The following ZNF438 variants were observed in gnomAD, a reference collection of about 807,000 sequenced individuals.
ZNF438 encodes zinc finger protein 438.
ZNF438 carries 25 observed loss-of-function variants against 38.0 expected under a neutral mutation model. The ratio of observed to expected loss-of-function variants is 0.66; its 90% CI spans 0.48 to 0.92. The LOEUF (loss-of-function observed/expected upper bound fraction) is 0.92, where lower values mean the gene tolerates loss of function less well. Ranked by LOEUF, ZNF438 falls within the 40% of genes least tolerant of loss-of-function variation. ZNF438 has a pLI of 0.00. For missense variants in ZNF438, 1,007 were observed against 999.6 expected (o/e 1.01, Z -0.10); for synonymous variants, 372 against 364.1 (o/e 1.02, Z -0.25).
At chr10:31,005,989 G>A (rs754077167) in intron 1 of ZNF438, among the ~76,000 whole-genome samples, 1 of 152,120 alleles carries the variant, frequency 6.6e-6, no homozygotes, top group Non-Finnish European at 1.5e-5. Context: ...TTAACAGATT[G>A]TGGTACACAG....
intron 1 of ZNF438, among the ~76,000 whole-genome samples, chr10:31,026,912 TA>T (rs1176032277): frequency 2.1e-4 from 32 of 152,084 alleles, no homozygotes; most frequent in Non-Finnish European, 2.5e-4. Context: ...TATGCAGCCA[TA>T]AAAAAAGGAT....
intron 2 of ZNF438, among the ~76,000 whole-genome samples, chr10:30,917,574 C>G (rs527392392): frequency 1.3e-5 from 2 of 152,274 alleles, no homozygotes; most frequent in South Asian, 4.1e-4. Flanking sequence ...CACATGCTTA[C>G]TAATCATTTG....
chr10:30,852,503 C>T (rs1050855011), intron 4 of ZNF438, among the ~76,000 whole-genome samples: 2 of 152,156 alleles, frequency 1.3e-5, no homozygotes, highest in African/African-American at 2.4e-5. Flanking sequence ...CCACCGCGCC[C>T]GGCCCGTCAA....
At chr10:30,890,489 C>A (rs1174314440) in intron 3 of ZNF438, among the ~76,000 whole-genome samples, 1 of 152,176 alleles carries the variant, frequency 6.6e-6, no homozygotes, top group Non-Finnish European at 1.5e-5. Context: ...GCAGCTCCTG[C>A]CTCCAAATGT....
intron 1 of ZNF438, among the ~76,000 whole-genome samples, chr10:31,006,787 G>GGA: frequency 8.3e-6 from 1 of 120,844 alleles, no homozygotes; most frequent in East Asian, 2.9e-4. Flanking sequence ...GCGGGGGGGG[G>GGA]AACTCCCACA....
chr10:30,964,163 T>A (rs1388782849), intron 1 of ZNF438, among the ~76,000 whole-genome samples: 1 of 152,196 alleles, frequency 6.6e-6, no homozygotes, highest in Admixed American at 6.5e-5. Flanking sequence ...ATTCTCTTTT[T>A]TAGTTGTTTC....
intron 4 of ZNF438, among the ~76,000 whole-genome samples, chr10:30,865,748 G>A (rs1046806458): frequency 6.6e-6 from 1 of 152,192 alleles, no homozygotes; most frequent in African/African-American, 2.4e-5. Context: ...ACTGCATTTC[G>A]TGTATGATAG....
chr10:30,917,942 T>A (rs2043837714), intron 2 of ZNF438, among the ~76,000 whole-genome samples: 1 of 152,152 alleles, frequency 6.6e-6, no homozygotes, highest in South Asian at 2.1e-4. Context: ...GCTTTTTATA[T>A]TTAGTAGTAT....
chr10:30,857,783 T>C (rs2034919293), intron 4 of ZNF438: 1 of 1,413,948 alleles, frequency 7.1e-7, no homozygotes, highest in African/African-American at 1.4e-5. Context: ...TTGGATCTGA[T>C]GGATATCATT....
chr10:30,987,735 G>A (rs7084526), intron 1 of ZNF438, among the ~76,000 whole-genome samples: 1,825 of 152,060 alleles, frequency 0.012, 41 homozygotes, highest in African/African-American at 0.041. Context: ...GCCATGTGAG[G>A]ACATAATGAG....
At chr10:30,945,491 C>T (rs1008528865) in intron 1 of ZNF438, among the ~76,000 whole-genome samples, 5 of 151,484 alleles carry the variant, frequency 3.3e-5, no homozygotes, top group Admixed American at 2.0e-4. Flanking sequence ...CACGCTGGTG[C>T]GCTGCACCCA....
intron 1 of ZNF438, among the ~76,000 whole-genome samples, chr10:30,987,331 A>C (rs886139112): frequency 6.6e-6 from 1 of 151,908 alleles, no homozygotes; most frequent in Non-Finnish European, 1.5e-5. Flanking sequence ...AAAAAAAAAA[A>C]AAAACTAAAA....
At chr10:30,876,970 C>T (rs2038524480) in intron 4 of ZNF438, 28 bp downstream of exon 5, 1 of 1,591,268 alleles carries the variant, frequency 6.3e-7, no homozygotes, top group Non-Finnish European at 8.6e-7. Context: ...ACAGACTCAT[C>T]ACCATTTTCC....
At chr10:30,891,391 T>G (rs1487002236) in intron 3 of ZNF438, among the ~76,000 whole-genome samples, 1 of 150,690 alleles carries the variant, frequency 6.6e-6, no homozygotes, top group African/African-American at 2.5e-5. Flanking sequence ...CCATCTGTGA[T>G]TTTTAAAATT....
At chr10:30,889,731 C>T (rs1437295262) in intron 3 of ZNF438, among the ~76,000 whole-genome samples, 1 of 152,144 alleles carries the variant, frequency 6.6e-6, no homozygotes, top group African/African-American at 2.4e-5. Context: ...GAATGTCAGT[C>T]ATTGAACTAG....
chr10:30,909,803 T>C (rs1455762574), intron 2 of ZNF438, among the ~76,000 whole-genome samples: 1 of 152,178 alleles, frequency 6.6e-6, no homozygotes, highest in African/African-American at 2.4e-5. Flanking sequence ...TAAGCAGTCA[T>C]ATGGTAACCA....
chr10:30,953,684 C>T (rs996644700), intron 1 of ZNF438, among the ~76,000 whole-genome samples: 1 of 143,206 alleles, frequency 7.0e-6, no homozygotes, highest in African/African-American at 2.6e-5. Flanking sequence ...AAAAAACAAA[C>T]ATGTGGCATT....
At chr10:30,882,977 C>G (rs1232858731) in intron 3 of ZNF438, among the ~76,000 whole-genome samples, 1 of 152,118 alleles carries the variant, frequency 6.6e-6, no homozygotes, top group Non-Finnish European at 1.5e-5. Context: ...TGCAGTATTA[C>G]TATGCACTCT....
chr10:30,902,066 G>C (rs2042066565), intron 3 of ZNF438, among the ~76,000 whole-genome samples: 1 of 152,124 alleles, frequency 6.6e-6, no homozygotes, highest in Non-Finnish European at 1.5e-5. Context: ...CCAAAGAGTG[G>C]GCAGCAGCAA....
Sources: gnomAD v4.1 joint callset for allele counts (sites outside exome capture counted in the v4.1 genomes callset) on GRCh38, gnomAD v4.1.1 for gene constraint, MANE v1.5 for transcripts, NCBI Gene and HGNC (gene_info 2026-07-23, HGNC 2026-07-21) for gene names.